The following SMTNL2 variants were observed in gnomAD, a reference collection of about 807,000 sequenced individuals.
The protein encoded by SMTNL2 is smoothelin like 2.
SMTNL2 carries 43 observed loss-of-function variants against 44.1 expected under a neutral mutation model. The observed-to-expected ratio is 0.98, with a 90% confidence interval of 0.76 to 1.26. SMTNL2 has a LOEUF of 1.26. SMTNL2 is among the 50% of genes most tolerant of loss of function. SMTNL2 has a pLI of 0.00. For synonymous variants in SMTNL2, 317 were observed against 287.6 expected, an observed-to-expected ratio of 1.10 and a Z score of -1.03; for missense variants, 646 against 670.2, an observed-to-expected ratio of 0.96 and a Z score of 0.40.
In SMTNL2 at chr17:4,600,164, C is replaced by T. The variant is rs2150524614; in HGVS notation, c.1259+2841C>T. The stretch of plus-strand genomic sequence containing the variant: ...GGAAGACTGGCTCGCCTGCCTGGGG[C>T]CTCTGGGGAGGACGACAGCTTGGAT... On this transcript the variant is annotated intron_variant, in intron 7 of 7. Transcript: ENST00000389313. This position sits in a 1 kb window ranked among gnomAD's most constrained non-coding sequence, Gnocchi z 4.7. Among the ~76,000 whole-genome samples, 1 of 152,264 alleles carries T rather than the reference C, an allele frequency of 6.6e-6. No homozygotes were observed. The highest frequency in any genetic ancestry group is 3.4e-3 in the Middle Eastern group (1 of 294).
At position 4,595,501 on chromosome 17, in the gene SMTNL2, T is replaced by C. The variant is rs982219032; in HGVS notation, c.989+174T>C. The stretch of plus-strand genomic sequence containing the variant: ...AGTTAGGGCTGGGCCACAGGGCAGC[T>C]TGGGGGGACAGAGGACCCCAGTTGT... On this transcript the variant is annotated intron_variant, in intron 5 of 7. Coordinates refer to ENST00000389313, the MANE Select transcript of SMTNL2 (RefSeq NM_001114974.2). The surrounding 1 kb of genome is among the most constrained non-coding windows in gnomAD (Gnocchi z 5.1). Among the ~76,000 whole-genome samples the C allele has an allele frequency of 6.6e-6, 1 of 152,162 alleles. No homozygotes were observed. The highest frequency in any genetic ancestry group is 1.5e-5 in the Non-Finnish European group (1 of 68,014).
chr17:4,590,114 C>G (rs1268579871), intron 1 of SMTNL2, among the ~76,000 whole-genome samples: 1 of 151,738 alleles, frequency 6.6e-6, no homozygotes, highest in Non-Finnish European at 1.5e-5. Context: ...TTACAGGCAC[C>G]CACCACCATG....
rs1909596043 is a variant in SMTNL2, at chr17:4,592,085, C to T, written c.400-276C>T. ...GTGAGGGGGCCTAATGTCATTGGAA[C>T]CCTCCATCTTGACTTCTGTCCTCAG... On this transcript the variant is annotated intron_variant, in intron 1 of 7. Coordinates refer to ENST00000389313, the MANE Select transcript of SMTNL2 (RefSeq NM_001114974.2). The surrounding 1 kb of genome is among the most constrained non-coding windows in gnomAD (Gnocchi z 4.5). Among the ~76,000 whole-genome samples the T allele has an allele frequency of 6.6e-6, 1 of 152,212 alleles. No individual in the cohort carries two copies. The highest frequency in any genetic ancestry group is 1.5e-5 in the Non-Finnish European group (1 of 68,028).
intron 4 of SMTNL2, among the ~76,000 whole-genome samples, 192 bp downstream of exon 4, chr17:4,594,089 A>G (rs941244630): frequency 6.6e-6 from 1 of 151,838 alleles, no homozygotes; most frequent in Non-Finnish European, 1.5e-5. Flanking sequence ...GCCTCGGTGG[A>G]GAGTTTCATT....
chr17:4,587,278 G>A (rs549260115), intron 1 of SMTNL2, among the ~76,000 whole-genome samples: 1 of 152,212 alleles, frequency 6.6e-6, no homozygotes, highest in Non-Finnish European at 1.5e-5. Flanking sequence ...TGCACCCCTT[G>A]AGCCCTGGCT....
chr17:4,598,266 C>T lies in SMTNL2; in HGVS notation c.1259+943C>T, dbSNP rs1026876303. Reference sequence around the variant, plus strand: ...CGCCAGGGCCTCATGGTGACTGAACCCAATCTGAAGACAGAGGGCCAGGGC... The same window carrying T: ...CGCCAGGGCCTCATGGTGACTGAACTCAATCTGAAGACAGAGGGCCAGGGC... On this transcript the variant is annotated intron_variant, in intron 7 of 7. Coordinates refer to ENST00000389313, the MANE Select transcript of SMTNL2 (RefSeq NM_001114974.2). The surrounding 1 kb of genome is among the most constrained non-coding windows in gnomAD (Gnocchi z 4.8). Among the ~76,000 whole-genome samples, 7 of 152,120 alleles carry T rather than the reference C, an allele frequency of 4.6e-5. No individual in the cohort carries two copies. The highest frequency in any genetic ancestry group is 7.2e-5 in the African/African-American group (3 of 41,434).
chr17:4,594,573 G>C (rs561603851), intron 4 of SMTNL2, among the ~76,000 whole-genome samples: 1 of 152,300 alleles, frequency 6.6e-6, no homozygotes, highest in East Asian at 1.9e-4. Context: ...GCCAGCTGGG[G>C]TCCCTCAGAG....
intron 7 of SMTNL2, among the ~76,000 whole-genome samples, chr17:4,605,152 G>GTTTTTT (rs1597419061): frequency 8.3e-6 from 1 of 119,804 alleles, no homozygotes; most frequent in African/African-American, 3.5e-5. Flanking sequence ...TTTTTTGTTT[G>GTTTTTT]GTTTTTTTTT....
chr17:4,591,902 G>A (rs1018326301), intron 1 of SMTNL2, among the ~76,000 whole-genome samples: 3 of 152,208 alleles, frequency 2.0e-5, no homozygotes, highest in Admixed American at 1.3e-4. Flanking sequence ...AGATCTCATC[G>A]TGATCAGGGC....
At chr17:4,588,360 C>T (rs1107437) in intron 1 of SMTNL2, among the ~76,000 whole-genome samples, 72,789 of 152,112 alleles carry the variant, frequency 0.48, 19,733 homozygotes, top group African/African-American at 0.75. Flanking sequence ...CCCGTGAGTG[C>T]CTCAGGCCTG....
intron 7 of SMTNL2, among the ~76,000 whole-genome samples, chr17:4,605,764 G>A (rs1910246605): frequency 6.6e-6 from 1 of 152,174 alleles, no homozygotes; most frequent in Non-Finnish European, 1.5e-5. Context: ...AAGTGCGATC[G>A]TTTTTGCCTT....
intron 1 of SMTNL2, among the ~76,000 whole-genome samples, chr17:4,590,801 C>T (rs552248146): frequency 6.6e-6 from 1 of 152,296 alleles, no homozygotes; most frequent in East Asian, 1.9e-4. Context: ...TCTCCACTCT[C>T]TGGCATCTTC....
chr17:4,592,024 C>A lies in SMTNL2; in HGVS notation c.400-337C>A, dbSNP rs1318576589. Among the ~76,000 whole-genome samples, 3 of 152,196 alleles carry A rather than the reference C, an allele frequency of 2.0e-5. No individual in the cohort carries two copies. The East Asian group carries it at 5.8e-4, about 29-fold the overall frequency. The stretch of plus-strand genomic sequence containing the variant: ...TGAGAGGGGCAGGGGGCGAGGCACT[C>A]CTGACCCCATCATCTGGTCCAGCCT... On this transcript the variant is annotated intron_variant, in intron 1 of 7. Transcript: ENST00000389313. The surrounding 1 kb of genome is among the most constrained non-coding windows in gnomAD (Gnocchi z 4.5).
Position 4,584,882 on chromosome 17 carries a change from G to T in SMTNL2, c.277G>T (p.Val93Leu). The part of the protein sequence containing the change: ...ALGLASGMSP[V>L]PGTPGTPSPP... ...GGGCTTGGCCAGCGGGATGTCCCCG[G>T]TGCCCGGCACTCCCGGCACGCCCAG... The change falls in exon 1 of 8, where the codon GTG becomes TTG. Residue 93 changes from valine (V) to leucine (L), a missense_variant. Physicochemically the swap from Val to Leu is conservative, Grantham distance 32. Coordinates refer to ENST00000389313, the MANE Select transcript of SMTNL2 (RefSeq NM_001114974.2). 1 of 1,305,516 alleles carries T rather than the reference G, an allele frequency of 7.7e-7. No individual in the cohort carries two copies. Among genetic ancestry groups the T allele is most frequent in the South Asian group, 2.1e-5 (1 of 46,838 alleles). The allele number at this position is 1,305,516 out of a possible 1,614,324, so 80.9% of individuals were successfully genotyped here.
rs762057825 is a variant in SMTNL2, at chr17:4,608,224, C to T, written c.*737C>T. 1 of 152,174 alleles carries T rather than the reference C, an allele frequency of 6.6e-6. No homozygotes were observed. The highest frequency in any genetic ancestry group is 1.5e-5 in the Non-Finnish European group (1 of 68,022). 9.4% of individuals were successfully genotyped at this position (152,174 alleles called of 1,614,324 possible). ...TGTGCTGAGAGAGAGTTTTTATTCA[C>T]ATCTTTTTTAGGGGATTTGCTGCAG... On this transcript the variant is annotated 3_prime_UTR_variant, in exon 8 of 8. Coordinates refer to ENST00000389313, the MANE Select transcript of SMTNL2 (RefSeq NM_001114974.2).
rs1442195342 is a variant in SMTNL2, at chr17:4,608,081, T to C, written c.*594T>C. Reference sequence around the variant, plus strand: ...AAGTCACCTCCGCTCTCCGGGGAGATGGGAAGGCTCTCCTCTCGGTCCCAA... The same window carrying C: ...AAGTCACCTCCGCTCTCCGGGGAGACGGGAAGGCTCTCCTCTCGGTCCCAA... On this transcript the variant is annotated 3_prime_UTR_variant, in exon 8 of 8. Coordinates refer to ENST00000389313, the MANE Select transcript of SMTNL2 (RefSeq NM_001114974.2). 6.6e-6 allele frequency: 1 copy of C among 151,982 alleles called. No homozygotes were observed. Among genetic ancestry groups the C allele is most frequent in the South Asian group, 2.1e-4 (1 of 4,814 alleles). 9.4% of individuals were successfully genotyped at this position (151,982 alleles called of 1,614,324 possible). A position where few individuals can be genotyped will look rare whatever the true frequency, so the allele number is the denominator to read the frequency against.
chr17:4,596,693 C>T (rs1909828485), intron 5 of SMTNL2, among the ~76,000 whole-genome samples, 167 bp from the exon 6 acceptor site: 1 of 152,116 alleles, frequency 6.6e-6, no homozygotes. Flanking sequence ...GTGCCGTGGA[C>T]GTGGGCACAG....
At chr17:4,603,784 A>G (rs1043232602) in intron 7 of SMTNL2, among the ~76,000 whole-genome samples, 2 of 152,156 alleles carry the variant, frequency 1.3e-5, no homozygotes, top group African/African-American at 4.8e-5. Context: ...CAGATATGAA[A>G]TGATCGCTCA....
chr17:4,586,534 GA>G (rs1476435582), intron 1 of SMTNL2, among the ~76,000 whole-genome samples: 5 of 151,548 alleles, frequency 3.3e-5, no homozygotes, highest in Non-Finnish European at 5.9e-5. Flanking sequence ...GAGAGAGAGA[GA>G]GAGAGGGAAT....
Sources: allele counts gnomAD v4.1 joint callset (sites outside exome capture counted in the v4.1 genomes callset), GRCh38; gene constraint gnomAD v4.1.1; non-coding constraint Gnocchi (gnomAD v3.1); transcripts MANE v1.5; gene names NCBI Gene and HGNC (gene_info 2026-07-23, HGNC 2026-07-21).